ZNF674: variants seen among roughly 807,000 people sequenced by gnomAD.
The protein encoded by ZNF674 is zinc finger family member 674.
Under a neutral mutation model 7.0 loss-of-function variants are expected in ZNF674, and 2 were observed. The ratio of observed to expected loss-of-function variants is 0.29; its 90% CI spans 0.12 to 0.90. The LOEUF is 0.90. ZNF674 is among the 40% of genes least tolerant of loss of function. The pLI is 0.57. For synonymous variants in ZNF674, 103 were observed against 145.2 expected, an observed-to-expected ratio of 0.71 and a Z score of 2.09; for missense variants, 297 against 415.5, an observed-to-expected ratio of 0.71 and a Z score of 2.48.
chrX:46,533,645 C>G (rs1311886250), intron 3 of ZNF674, among the ~76,000 whole-genome samples: 2 of 104,658 alleles, frequency 1.9e-5, no homozygotes, highest in Non-Finnish European at 3.9e-5. Flanking sequence ...GCCTATAATC[C>G]CAGCTACTCG....
intron 5 of ZNF674, chrX:46,517,949 C>A (rs764914436): frequency 9.2e-6 from 1 of 109,208 alleles, no homozygotes; most frequent in East Asian, 2.8e-4. Flanking sequence ...ATGCCTGTAT[C>A]AAAATATCTG....
chrX:46,538,360 T>C (rs1219460176), intron 3 of ZNF674, among the ~76,000 whole-genome samples: 1 of 111,685 alleles, frequency 9.0e-6, no homozygotes, highest in East Asian at 2.8e-4. Context: ...CACAAAAGAT[T>C]GTGAAATTAG....
At chrX:46,515,432 T>A (rs1941746598) in intron 5 of ZNF674, among the ~76,000 whole-genome samples, 1 of 108,041 alleles carries the variant, frequency 9.3e-6, no homozygotes, top group African/African-American at 3.4e-5. Flanking sequence ...AAGAAATAGA[T>A]CATCTGAATA....
At chrX:46,540,585 A>G (rs764034905) in intron 3 of ZNF674, among the ~76,000 whole-genome samples, 13 of 111,730 alleles carry the variant, frequency 1.2e-4, no homozygotes, top group Middle Eastern at 4.2e-3. Flanking sequence ...GAAAAATGGA[A>G]CGCAGAAATT....
Position 46,499,998 on chromosome X carries a change from C to T in ZNF674, c.1576G>A (p.Gly526Arg), listed in dbSNP as rs777941507. ...GEKPYKCSECGKAFSVKSTLI... is the reference protein window; with the variant it reads ...GEKPYKCSECRKAFSVKSTLI... ...GTTGATTTCACACTGAAGGCCTTCCCACATTCACTACATTTGTAAGGTTTT... is the reference window on the plus strand; with the variant it reads ...GTTGATTTCACACTGAAGGCCTTCCTACATTCACTACATTTGTAAGGTTTT... Residue 526 changes from glycine to arginine, a missense_variant, in exon 6 of 6, where the codon GGG (glycine) becomes AGG (arginine). Gly to Arg is a moderately radical substitution (Grantham distance 125). Coordinates refer to ENST00000683375, the MANE Select transcript of ZNF674 (RefSeq NM_001190417.2). 3.3e-6 allele frequency: 4 copies of T among 1,208,465 alleles called. No homozygotes were observed. The highest frequency in any genetic ancestry group is 4.5e-6 in the Non-Finnish European group (4 of 893,692).
chrX:46,543,617 C>T (rs1942329533), intron 2 of ZNF674, among the ~76,000 whole-genome samples: 1 of 111,838 alleles, frequency 8.9e-6, no homozygotes, highest in Admixed American at 9.5e-5. Flanking sequence ...CTACCCTGCT[C>T]CCACCCCACC....
chrX:46,508,990 G>T (rs774494303), intron 5 of ZNF674, among the ~76,000 whole-genome samples: 2,641 of 110,365 alleles, frequency 0.024, 80 homozygotes, highest in African/African-American at 0.08. Context: ...GCCGCATATC[G>T]ACAACTATCT....
chrX:46,533,672 G>A (rs1280637999), intron 3 of ZNF674, among the ~76,000 whole-genome samples: 6 of 105,578 alleles, frequency 5.7e-5, no homozygotes, highest in African/African-American at 2.1e-4. Context: ...TGAGGCAGGA[G>A]AATCACCTAT....
In ZNF674 at chrX:46,500,003, T is replaced by G; in HGVS notation, c.1571A>C (p.Glu524Ala). 1 of 1,208,187 alleles carries G rather than the reference T, an allele frequency of 8.3e-7. No homozygotes were observed. Among genetic ancestry groups the G allele is most frequent in the South Asian group, 1.8e-5 (1 of 56,683 alleles). The part of the protein sequence containing the change: ...HTGEKPYKCS[E>A]CGKAFSVKST... ...TTTCACACTGAAGGCCTTCCCACAT[T>G]CACTACATTTGTAAGGTTTTTCTCC... The change falls in exon 6 of 6, where the codon GAA becomes GCA. Residue 524 changes from glutamate to alanine, a missense_variant. Physicochemically the swap from Glu to Ala is moderately radical, Grantham distance 107 (BLOSUM62 -1). Transcript: ENST00000683375.
chrX:46,522,503 T>C (rs1941932344), intron 5 of ZNF674, among the ~76,000 whole-genome samples: 1 of 110,688 alleles, frequency 9.0e-6, no homozygotes, highest in Non-Finnish European at 1.9e-5. Flanking sequence ...CATCTCTATA[T>C]GAAAAACAAG....
Position 46,498,408 on chromosome X carries a change from T to C in ZNF674, c.*1435A>G, listed in dbSNP as rs1039545326. 9.0e-6 allele frequency: 1 copy of C among 111,558 alleles called. No individual in the cohort carries two copies. The highest frequency in any genetic ancestry group is 1.9e-5 in the Non-Finnish European group (1 of 53,222). 9.2% of individuals were successfully genotyped at this position (111,558 alleles called of 1,213,427 possible). ...CCCTTTCTGTAATGGCTTTGCATTTTTGCACTGAAGATATTGATGAATAAT... is the reference window on the plus strand; with the variant it reads ...CCCTTTCTGTAATGGCTTTGCATTTCTGCACTGAAGATATTGATGAATAAT... On this transcript the variant is annotated 3_prime_UTR_variant, in exon 6 of 6. Coordinates refer to ENST00000683375, the MANE Select transcript of ZNF674 (RefSeq NM_001190417.2).
At position 46,500,604 on chromosome X, in the gene ZNF674, T is replaced by C. The variant is rs925874735; in HGVS notation, c.970A>G (p.Thr324Ala). Residue 324 changes from threonine to alanine, a missense_variant, in exon 6 of 6, where the codon ACA (threonine) becomes GCA (alanine). Thr to Ala is a moderately conservative substitution (Grantham distance 58). Transcript: ENST00000683375. Reference sequence around the variant, plus strand: ...TTATAAAATGCTTGTCTAATGTGTGTTTTTTCATGTCTAATAAGATGATAT... The same window carrying C: ...TTATAAAATGCTTGTCTAATGTGTGCTTTTTCATGTCTAATAAGATGATAT... The part of the protein sequence containing the change: ...SSYHLIRHEK[T>A]HIRQAFYKGI... The C allele has an allele frequency of 8.3e-7, 1 of 1,210,129 alleles. No individual in the cohort carries two copies. Among genetic ancestry groups the C allele is most frequent in the African/African-American group, 1.7e-5 (1 of 57,351 alleles).
At chrX:46,505,768 T>TCTCACACACACACACACACACA (rs377176227) in intron 5 of ZNF674, among the ~76,000 whole-genome samples, 1 of 100,230 alleles carries the variant, frequency 1.0e-5, no homozygotes, top group African/African-American at 3.7e-5. Context: ...CAAAACTCTG[T>TCTCACACACACACACACACACA]CACACACACA....
chrX:46,501,191 T>C lies in ZNF674; in HGVS notation c.383A>G (p.Asn128Ser). Residue 128 changes from asparagine (N) to serine (S), a missense_variant, in exon 6 of 6, where the codon AAC (asparagine) becomes AGC (serine). Asn to Ser is a conservative substitution (Grantham distance 46). Transcript: ENST00000683375. ...TTGTTTTACAGAAACAAAGTCTGTG[T>C]TGAGATAAATGATTTTTCTACATAT... ...CKICRKIIYL[N>S]TDFVSVKQRL... The C allele has an allele frequency of 8.3e-7, 1 of 1,210,777 alleles. No individual in the cohort carries two copies. The highest frequency in any genetic ancestry group is 1.1e-6 in the Non-Finnish European group (1 of 894,832).
intron 3 of ZNF674, among the ~76,000 whole-genome samples, chrX:46,538,230 A>C: frequency 8.9e-6 from 1 of 112,185 alleles, no homozygotes; most frequent in Non-Finnish European, 1.9e-5. Flanking sequence ...CTTTGTTTCC[A>C]TACAGATACT....
At chrX:46,512,289 G>C (rs1198165170) in intron 5 of ZNF674, among the ~76,000 whole-genome samples, 16 of 110,931 alleles carry the variant, frequency 1.4e-4, no homozygotes, top group Non-Finnish European at 1.1e-4. Flanking sequence ...CTGAACCTGG[G>C]AGGTGGCAGT....
chrX:46,506,583 G>A (rs983996908), intron 5 of ZNF674, among the ~76,000 whole-genome samples: 4 of 111,617 alleles, frequency 3.6e-5, no homozygotes, highest in African/African-American at 1.3e-4. Flanking sequence ...TCAATAATCA[G>A]AATAGCTTTA....
chrX:46,505,090 G>A (rs1017356047), intron 5 of ZNF674, among the ~76,000 whole-genome samples: 8 of 109,881 alleles, frequency 7.3e-5, no homozygotes, highest in South Asian at 3.9e-4. Context: ...GGGTTTCACC[G>A]TTTTGGTCAG....
chrX:46,500,307 G>A lies in ZNF674; in HGVS notation c.1267C>T (p.Leu423Phe). 8.3e-7 allele frequency: 1 copy of A among 1,210,660 alleles called. No individual in the cohort carries two copies. The highest frequency in any genetic ancestry group is 1.7e-5 in the African/African-American group (1 of 57,843). The change falls in exon 6 of 6, where the codon CTC becomes TTC. Residue 423 changes from leucine (L) to phenylalanine (F), a missense_variant. Physicochemically the swap from Leu to Phe is conservative, Grantham distance 22 (BLOSUM62 0). Transcript: ENST00000683375. ...CGKTFSGKSH[L>F]SVHHRTHTGE... ...GTATGAGTTCTATGATGGACAGAGA[G>A]GTGTGACTTTCCACTGAAAGTCTTC...
Sources: gnomAD v4.1 joint callset for allele counts (sites outside exome capture counted in the v4.1 genomes callset) on GRCh38, gnomAD v4.1.1 for gene constraint, MANE v1.5 for transcripts, NCBI Gene and HGNC (gene_info 2026-07-23, HGNC 2026-07-21) for gene names.